Variants in NUP155 observed in about 807,000 individuals in gnomAD.
The protein encoded by NUP155 is nucleoporin 155, also known as nuclear pore complex protein Nup155.
Under a neutral mutation model 180.4 loss-of-function variants are expected in NUP155, and 71 were observed. The ratio of observed to expected loss-of-function variants is 0.39; its 90% confidence interval spans 0.33 to 0.48. NUP155 has a LOEUF of 0.48. Ranked by LOEUF, NUP155 falls within the 20% of genes least tolerant of loss-of-function variation. The pLI, the probability that NUP155 is intolerant of heterozygous loss-of-function variation, is 0.91. For missense variants in NUP155, 1,553 were observed against 1,648.9 expected, an observed-to-expected ratio of 0.94 and a Z score of 1.01; for synonymous variants, 582 against 559.5, an observed-to-expected ratio of 1.04 and a Z score of -0.57.
chr5:37,365,711 G>GGAAAAAAAAAA lies in NUP155; in HGVS notation c.158-1328_158-1327insTTTTTTTTTTC, dbSNP rs1491216296. 6.5e-4 allele frequency among the ~76,000 whole-genome samples: 22 copies of GGAAAAAAAAAA among 34,016 alleles called. 10 individuals are homozygous for GGAAAAAAAAAA. Among genetic ancestry groups the GGAAAAAAAAAA allele is most frequent in the Non-Finnish European group, 6.2e-4 (13 of 21,126 alleles). The allele number at this position is 34,016 out of a possible 152,430, so 22.3% of individuals were successfully genotyped here. A position where few individuals can be genotyped will look rare whatever the true frequency, so the allele number is the denominator to read the frequency against. On this transcript the variant is annotated intron_variant, in intron 1 of 34. Coordinates refer to ENST00000231498, the MANE Select transcript of NUP155 (RefSeq NM_153485.3). ...TGACAGAGCAAGACTCTGTCTCGGG[G>GGAAAAAAAAAA]AGAAAAAAAAAAAAAAAAAAAAAAA... is the stretch of plus-strand genomic sequence containing the variant.
At chr5:37,366,260 G>A (rs1035888182) in intron 1 of NUP155, among the ~76,000 whole-genome samples, 5 of 152,068 alleles carry the variant, frequency 3.3e-5, no homozygotes, top group Admixed American at 6.6e-5. Context: ...GTTCTATAGA[G>A]TACAAAGATG....
intron 27 of NUP155, 56 bp from the exon 28 acceptor site, chr5:37,303,470 C>T: frequency 4.9e-6 from 7 of 1,424,974 alleles, no homozygotes. Flanking sequence ...GATAATGTTC[C>T]TGATAAGGAA....
chr5:37,367,527 T>C (rs930820293), intron 1 of NUP155, among the ~76,000 whole-genome samples: 2 of 150,132 alleles, frequency 1.3e-5, no homozygotes, highest in Non-Finnish European at 3.0e-5. Flanking sequence ...ACAGCATTTT[T>C]CTTTTTCCTT....
At chr5:37,307,267 A>C (rs1743216640) in intron 25 of NUP155, 30 bp downstream of exon 25, 1 of 1,609,844 alleles carries the variant, frequency 6.2e-7, no homozygotes, top group South Asian at 1.1e-5. Context: ...ATCCATAAAG[A>C]TGACAATCTG....
chr5:37,298,113 C>A (rs1031628547), intron 32 of NUP155, among the ~76,000 whole-genome samples: 4 of 151,910 alleles, frequency 2.6e-5, no homozygotes, highest in Non-Finnish European at 4.4e-5. Flanking sequence ...GTTGCAGGCA[C>A]CTGTAATCCC....
chr5:37,325,810 T>G, intron 19 of NUP155, 91 bp downstream of exon 19: 3 of 811,010 alleles, frequency 3.7e-6, no homozygotes, highest in Non-Finnish European at 6.2e-6. Context: ...GCCATCTTAT[T>G]TGTGTAATAT....
chr5:37,341,455 G>C (rs571683319), intron 10 of NUP155, among the ~76,000 whole-genome samples: 1 of 152,082 alleles, frequency 6.6e-6, no homozygotes, highest in Non-Finnish European at 1.5e-5. Context: ...TCCGCCTCCC[G>C]GGTTCAAGCG....
At chr5:37,312,966 C>T (rs1245570672) in intron 22 of NUP155, among the ~76,000 whole-genome samples, 4 of 152,070 alleles carry the variant, frequency 2.6e-5, no homozygotes, top group Non-Finnish European at 5.9e-5. Context: ...CTTTTGTATA[C>T]GTTTAGAAAT....
intron 10 of NUP155, chr5:37,342,280 CA>C: frequency 2.8e-6 from 1 of 353,952 alleles, no homozygotes; most frequent in Non-Finnish European, 5.3e-6. Flanking sequence ...CTCCTGGGCT[CA>C]GGCAATCTGC....
Position 37,305,107 on chromosome 5 carries a change from C to T in NUP155, c.3007G>A (p.Val1003Met). 1 of 1,614,006 alleles carries T rather than the reference C, an allele frequency of 6.2e-7. No homozygotes were observed. Among genetic ancestry groups the T allele is most frequent in the Non-Finnish European group, 8.5e-7 (1 of 1,180,042 alleles). ...AGCATATTTGGATCAGATGACAACA[C>T]TGGAGGACCAGGTTTTTTGGGTACA... ...PSVPKKPGPP[V>M]LSSDPNMLSN... The change falls in exon 26 of 35, where the codon GTG becomes ATG. Residue 1003 changes from valine to methionine, a missense_variant. Physicochemically the swap from Val to Met is conservative, Grantham distance 21. Coordinates refer to ENST00000231498, the MANE Select transcript of NUP155 (RefSeq NM_153485.3).
At chr5:37,338,030 A>G in intron 11 of NUP155, 112 bp from the exon 12 acceptor site, 2 of 707,558 alleles carry the variant, frequency 2.8e-6, no homozygotes, top group Non-Finnish European at 2.4e-6. Flanking sequence ...AATTAAAATT[A>G]TAAAACCGGG....
chr5:37,312,209 A>G (rs1290484511), intron 22 of NUP155, among the ~76,000 whole-genome samples: 1 of 152,176 alleles, frequency 6.6e-6, no homozygotes, highest in African/African-American at 2.4e-5. Flanking sequence ...AAGGACAACG[A>G]AACCTTTTGT....
At chr5:37,331,828 G>C in intron 13 of NUP155, 33 bp from the exon 14 acceptor site, 1 of 1,268,938 alleles carries the variant, frequency 7.9e-7, no homozygotes, top group Non-Finnish European at 1.1e-6. Context: ...ATGAACAAGA[G>C]ATTTACCAAG....
In NUP155 at chr5:37,298,887, T is replaced by C; in HGVS notation, c.3774A>G (p.Thr1258=). The C allele has an allele frequency of 6.2e-7, 1 of 1,604,488 alleles. No individual in the cohort carries two copies. ...GCTTACCTAAAGGAAAGAAGCGTGG[T>C]GTGCCAGCATAAATTTTGCCAAGGA... ...IVLLGKIYAG[T]PRFFPLDFIV... is the part of the protein sequence containing the mutation. Residue 1258 remains threonine, a synonymous_variant, in exon 32 of 35, where the codon ACA becomes ACG. Transcript: ENST00000231498.
chr5:37,307,402 G>C lies in NUP155; in HGVS notation c.2798C>G (p.Ser933Cys), dbSNP rs766476048. ...VRFYEGVVEL[S>C]LTAAEKKDPQ... ...ATCTTTTTTCTCTGCAGCCGTAAGA[G>C]AAAGTTCCACCACACCCTCATAAAA... is the stretch of plus-strand genomic sequence containing the variant. The change falls in exon 25 of 35, where the codon TCT becomes TGT. Residue 933 changes from serine to cysteine, a missense_variant. Coordinates refer to ENST00000231498, the MANE Select transcript of NUP155 (RefSeq NM_153485.3). The C allele has an allele frequency of 2.5e-6, 4 of 1,614,000 alleles. No homozygotes were observed. In the South Asian group the frequency reaches 4.4e-5, roughly 18 times the overall value.
chr5:37,346,673 G>GA (rs1300246383), intron 9 of NUP155, among the ~76,000 whole-genome samples: 23 of 147,306 alleles, frequency 1.6e-4, no homozygotes, highest in East Asian at 4.0e-4. Context: ...CTTTGTCTCG[G>GA]AAACAAAAAA....
intron 32 of NUP155, among the ~76,000 whole-genome samples, chr5:37,295,454 C>G (rs1742485545): frequency 6.6e-6 from 1 of 152,026 alleles, no homozygotes; most frequent in South Asian, 2.1e-4. Context: ...ATTGCAGCCT[C>G]TGCCCGGCCG....
In NUP155 at chr5:37,324,090, G is replaced by A. The variant is rs778957845; in HGVS notation, c.2109C>T (p.Pro703=). 39 of 1,612,304 alleles carry A rather than the reference G, an allele frequency of 2.4e-5. No homozygotes were observed. Among genetic ancestry groups the A allele is most frequent in the South Asian group, 6.6e-5 (6 of 91,042 alleles). Residue 703 remains proline, a synonymous_variant, in exon 20 of 35, where the codon CCC becomes CCT. Coordinates refer to ENST00000231498, the MANE Select transcript of NUP155 (RefSeq NM_153485.3). ...GTAGCACTGACTCTAGCAGTTGGCA[G>A]GGAACACTACTTTCAATCTGTAAAA... ...REITAIESSV[P]CQLLESVLQE...
At chr5:37,365,370 A>G (rs1410533038) in intron 1 of NUP155, among the ~76,000 whole-genome samples, 2 of 152,024 alleles carry the variant, frequency 1.3e-5, no homozygotes, top group African/African-American at 4.8e-5. Flanking sequence ...TGATGTGATC[A>G]TTTCACATTG....
Sources: allele counts gnomAD v4.1 joint callset (sites outside exome capture counted in the v4.1 genomes callset), GRCh38; gene constraint gnomAD v4.1.1; transcripts MANE v1.5; gene names NCBI Gene and HGNC (gene_info 2026-07-23, HGNC 2026-07-21).